SREK1IP1: variants seen among roughly 807,000 people sequenced by gnomAD.
SREK1IP1 encodes the protein SREK1 interacting protein 1.
A neutral mutation model predicts 22.8 loss-of-function variants in SREK1IP1; 12 were observed. The ratio of observed to expected loss-of-function variants is 0.53; its 90% confidence interval spans 0.34 to 0.85. The LOEUF is 0.85. Among genes scored for constraint, SREK1IP1 ranks in the 40% least tolerant of loss-of-function variants. The probability of loss-of-function intolerance (pLI) is 0.02; values close to 1 mark genes in which losing one functional copy is unlikely to be tolerated. For synonymous variants in SREK1IP1, 53 were observed against 52.7 expected, an observed-to-expected ratio of 1.01 and a Z score of -0.02; for missense variants, 147 against 171.8, an observed-to-expected ratio of 0.86 and a Z score of 0.81.
At chr5:64,764,569 C>T (rs1743005021) in intron 1 of SREK1IP1, among the ~76,000 whole-genome samples, 1 of 152,162 alleles carries the variant, frequency 6.6e-6, no homozygotes, top group Non-Finnish European at 1.5e-5. Flanking sequence ...GTGTGCACTG[C>T]ATTCTCGCAG....
intron 3 of SREK1IP1, among the ~76,000 whole-genome samples, chr5:64,737,825 G>T: frequency 6.6e-6 from 1 of 151,868 alleles, no homozygotes; most frequent in East Asian, 1.9e-4. Flanking sequence ...CAACAAATTG[G>T]GTAACTTACA....
intron 3 of SREK1IP1, among the ~76,000 whole-genome samples, chr5:64,738,458 G>C (rs1200180294): frequency 6.6e-6 from 1 of 152,008 alleles, no homozygotes; most frequent in Non-Finnish European, 1.5e-5. Context: ...AATCCCAATG[G>C]CTCTTTTGAC....
At chr5:64,734,216 A>G (rs1167064104) in intron 3 of SREK1IP1, among the ~76,000 whole-genome samples, 1 of 152,122 alleles carries the variant, frequency 6.6e-6, no homozygotes. Context: ...ATTGTCACAT[A>G]TGTATGGGTC....
chr5:64,755,160 TAAAG>T (rs1742816166), intron 1 of SREK1IP1, among the ~76,000 whole-genome samples: 1 of 150,708 alleles, frequency 6.6e-6, no homozygotes, highest in African/African-American at 2.4e-5. Context: ...GGAGATTTCT[TAAAG>T]AACTTAAAAC....
chr5:64,765,658 T>A (rs1216421400), intron 1 of SREK1IP1, among the ~76,000 whole-genome samples: 2 of 152,220 alleles, frequency 1.3e-5, no homozygotes, highest in Non-Finnish European at 2.9e-5. Flanking sequence ...TAGCTTGCCA[T>A]CTAGCTTAAT....
At chr5:64,752,129 G>A (rs1478208115) in intron 2 of SREK1IP1, among the ~76,000 whole-genome samples, 1 of 119,512 alleles carries the variant, frequency 8.4e-6, no homozygotes, top group Non-Finnish European at 1.8e-5. Flanking sequence ...CTCTTTTTCT[G>A]TGAATTTTTT....
rs1286271201 is a variant in SREK1IP1, at chr5:64,718,450, G to T, written c.*5934C>A. The T allele has an allele frequency of 3.9e-5, 6 of 152,674 alleles. No homozygotes were observed. Among genetic ancestry groups the T allele is most frequent in the African/African-American group, 1.4e-4 (6 of 41,454 alleles). 9.5% of individuals were successfully genotyped at this position (152,674 alleles called of 1,614,324 possible). On this transcript the variant is annotated 3_prime_UTR_variant, in exon 5 of 5. Transcript: ENST00000513458. The stretch of plus-strand genomic sequence containing the variant: ...CTGTCTTAAAAACTAGAGGTGACTT[G>T]TTCTTAAATCTCTTAGAAGTCAACC...
At chr5:64,727,806 T>C (rs1179200247) in intron 4 of SREK1IP1, 3 of 174,242 alleles carry the variant, frequency 1.7e-5, no homozygotes, top group Admixed American at 6.5e-5. Flanking sequence ...CCTTGACCTC[T>C]CAAAGTGCTG....
chr5:64,766,064 C>T (rs1217252549), intron 1 of SREK1IP1, among the ~76,000 whole-genome samples: 1 of 152,206 alleles, frequency 6.6e-6, no homozygotes, highest in Non-Finnish European at 1.5e-5. Flanking sequence ...GCTTCAGCCA[C>T]AGACCTTCCC....
rs558240881 is a variant in SREK1IP1 at position 64,757,631 on chromosome 5, G to A, written c.14-3269C>T. The stretch of plus-strand genomic sequence containing the variant: ...ACATTTCTAGTGACCTCAGTTCACC[G>A]CAAATGTTGTGAACATCCATCAACA... On this transcript the variant is annotated intron_variant, in intron 1 of 4. Transcript: ENST00000513458. Among the ~76,000 whole-genome samples the A allele has an allele frequency of 1.2e-4, 19 of 152,084 alleles. No homozygotes were observed. In the East Asian group the frequency reaches 2.7e-3, roughly 22 times the overall value.
At chr5:64,750,588 T>C (rs1413153599) in intron 2 of SREK1IP1, among the ~76,000 whole-genome samples, 1 of 152,154 alleles carries the variant, frequency 6.6e-6, no homozygotes, top group African/African-American at 2.4e-5. Flanking sequence ...CCTACTTCCC[T>C]CAATGACTTT....
chr5:64,725,458 T>A (rs557448749), intron 4 of SREK1IP1, among the ~76,000 whole-genome samples: 1 of 152,280 alleles, frequency 6.6e-6, no homozygotes, highest in East Asian at 1.9e-4. Flanking sequence ...TATTAGGAGT[T>A]AAAACTCAAA....
intron 1 of SREK1IP1, among the ~76,000 whole-genome samples, chr5:64,767,748 G>C (rs762951373): frequency 6.6e-6 from 1 of 152,128 alleles, no homozygotes; most frequent in Non-Finnish European, 1.5e-5. Flanking sequence ...AAGTTGGGAG[G>C]TGGGGTGGAG....
chr5:64,754,764 T>C (rs968839637), intron 1 of SREK1IP1: 5 of 156,034 alleles, frequency 3.2e-5, no homozygotes, highest in Admixed American at 2.6e-4. Context: ...CCCAGTAGAA[T>C]TTATTTCTTT....
chr5:64,731,521 C>CAAAAAAAAAAGAAAAAAAAAAAAAA (rs1742379240), intron 3 of SREK1IP1, among the ~76,000 whole-genome samples: 1 of 74,632 alleles, frequency 1.3e-5, no homozygotes, highest in African/African-American at 4.1e-5. Flanking sequence ...GCCCTTGTCT[C>CAAAAAAAAAAGAAAAAAAAAAAAAA]AAAAAAAAAA....
intron 1 of SREK1IP1, among the ~76,000 whole-genome samples, chr5:64,755,702 G>T (rs1289942087): frequency 6.6e-6 from 1 of 151,496 alleles, no homozygotes; most frequent in Non-Finnish European, 1.5e-5. Flanking sequence ...TAAAATAAAA[G>T]TTGAAAAATA....
In SREK1IP1 at chr5:64,720,015, G is replaced by A. The variant is rs891007862; in HGVS notation, c.*4369C>T. The A allele has an allele frequency of 6.6e-6, 1 of 152,222 alleles. No homozygotes were observed. The highest frequency in any genetic ancestry group is 1.5e-5 in the Non-Finnish European group (1 of 68,040). The allele number at this position is 152,222 out of a possible 1,614,324, so 9.4% of individuals were successfully genotyped here. ...GAGGTAGAACCACAGGGCTCATCCA[G>A]TGGACCAACTGGTATGTTTCTCTGT... On this transcript the variant is annotated 3_prime_UTR_variant, in exon 5 of 5. Transcript: ENST00000513458.
intron 3 of SREK1IP1, among the ~76,000 whole-genome samples, chr5:64,731,181 G>C (rs1742371991): frequency 6.6e-6 from 1 of 152,162 alleles, no homozygotes; most frequent in East Asian, 1.9e-4. Context: ...AGGTGGAGAA[G>C]ATGAGTTAGG....
rs1561390764 is a variant in SREK1IP1 at position 64,754,359 on chromosome 5, C to A, written c.17G>T (p.Cys6Phe). 2 of 1,613,444 alleles carry A rather than the reference C, an allele frequency of 1.2e-6. No individual in the cohort carries two copies. The highest frequency in any genetic ancestry group is 1.7e-6 in the Non-Finnish European group (2 of 1,179,562). MAVPGCNKDSVRAGCK... is the reference protein window; with the variant it reads MAVPGFNKDSVRAGCK... ...GCCTGCTCTGACACTGTCCTTGTTGCAACCTGAAATACAATTGGATAGAAT... is the reference window on the plus strand; with the variant it reads ...GCCTGCTCTGACACTGTCCTTGTTGAAACCTGAAATACAATTGGATAGAAT... The change falls in exon 2 of 5, where the codon TGC becomes TTC. Residue 6 changes from cysteine to phenylalanine, a missense_variant. Transcript: ENST00000513458.
Sources: gnomAD v4.1 joint callset for allele counts (sites outside exome capture counted in the v4.1 genomes callset) on GRCh38, gnomAD v4.1.1 for gene constraint, MANE v1.5 for transcripts, NCBI Gene and HGNC (gene_info 2026-07-23, HGNC 2026-07-21) for gene names.